The following SMG9 variants were observed in gnomAD, a reference collection of about 807,000 sequenced individuals.
SMG9 encodes nonsense-mediated mRNA decay factor SMG9.
SMG9 carries 55 observed loss-of-function variants against 64.0 expected under a neutral mutation model. That is an observed-to-expected ratio of 0.86 (90% CI 0.69 to 1.08). The LOEUF (loss-of-function observed/expected upper bound fraction) is 1.08. Ranked by LOEUF, SMG9 falls within the 50% of genes least tolerant of loss-of-function variation. The pLI, the probability that SMG9 is intolerant of heterozygous loss-of-function variation, is 0.00. For synonymous variants in SMG9, 244 were observed against 254.8 expected, an observed-to-expected ratio of 0.96 and a Z score of 0.41; for missense variants, 554 against 681.3, an observed-to-expected ratio of 0.81 and a Z score of 2.08.
Position 43,754,685 on chromosome 19 carries a change from C to T in SMG9, c.-38G>A, listed in dbSNP as rs1476488248. 6.6e-6 allele frequency: 1 copy of T among 151,974 alleles called. No individual in the cohort carries two copies. The highest frequency in any genetic ancestry group is 1.5e-5 in the Non-Finnish European group (1 of 67,960). The allele number at this position is 151,974 out of a possible 1,614,324, so 9.4% of individuals were successfully genotyped here. A position where few individuals can be genotyped will look rare whatever the true frequency, so the allele number is the denominator to read the frequency against. ...CGGCTGCTGATTGGTTCTCGGGGCG[C>T]GGTGTGCGCTCTCCCGTGACGGGAG... is the stretch of plus-strand genomic sequence containing the variant. On this transcript the variant is annotated 5_prime_UTR_variant, in exon 1 of 14. Coordinates refer to ENST00000270066, the MANE Select transcript of SMG9 (RefSeq NM_019108.4).
intron 5 of SMG9, among the ~76,000 whole-genome samples, chr19:43,746,464 GT>G (rs953630885): frequency 6.6e-6 from 1 of 152,114 alleles, no homozygotes; most frequent in Admixed American, 6.6e-5. Flanking sequence ...GTAGGGTTTG[GT>G]TTTTTGTTGT....
intron 2 of SMG9, among the ~76,000 whole-genome samples, chr19:43,749,532 C>G (rs1175053391): frequency 1.3e-5 from 2 of 152,212 alleles, no homozygotes; most frequent in Non-Finnish European, 2.9e-5. Context: ...ACTACGTGTT[C>G]TCATTTACAC....
rs754646409 is a variant in SMG9 at position 43,734,519 on chromosome 19, G to A, written c.996-24C>T. 3 of 1,520,408 alleles carry A rather than the reference G, an allele frequency of 2.0e-6. No homozygotes were observed. The African/African-American group carries it at 4.1e-5, about 21-fold the overall frequency. 94.2% of individuals were successfully genotyped at this position (1,520,408 alleles called of 1,614,324 possible). A position where few individuals can be genotyped will look rare whatever the true frequency, so the allele number is the denominator to read the frequency against. On this transcript the variant is annotated intron_variant, in intron 9 of 13. Transcript: ENST00000270066. ...ACCTTGGGGTTTGGGGTGAGTGGCT[G>A]TTGCTCTTGCACTTGCACCCCAGGT...
At chr19:43,744,980 G>T in intron 5 of SMG9, 96 bp from the exon 6 acceptor site, 2 of 802,964 alleles carry the variant, frequency 2.5e-6, no homozygotes, top group South Asian at 3.3e-5. Flanking sequence ...TCCCCCACCT[G>T]CCTTATCATA....
chr19:43,740,523 C>T (rs937002508), intron 6 of SMG9, among the ~76,000 whole-genome samples: 3 of 152,154 alleles, frequency 2.0e-5, no homozygotes, highest in African/African-American at 4.8e-5. Flanking sequence ...CTCTTCCTGG[C>T]TGTGTGGCTT....
intron 2 of SMG9, among the ~76,000 whole-genome samples, chr19:43,748,423 G>A (rs547602260): frequency 4.6e-4 from 70 of 152,342 alleles, no homozygotes; most frequent in African/African-American, 1.5e-3. Context: ...AACCACCCTC[G>A]CCACCTTCAC....
chr19:43,733,111 G>A, intron 12 of SMG9, 109 bp from the exon 13 acceptor site: 2 of 1,377,460 alleles, frequency 1.5e-6, no homozygotes, highest in Non-Finnish European at 2.0e-6. Flanking sequence ...CCCCGGCTGA[G>A]CTCTTCCTGT....
At chr19:43,734,755 G>A (rs1968602835) in intron 9 of SMG9, 5 of 362,066 alleles carry the variant, frequency 1.4e-5, no homozygotes, top group South Asian at 1.3e-4. Flanking sequence ...GCAGTTTTAG[G>A]TTCACAGCAA....
chr19:43,732,536 C>T (rs1339916299), intron 13 of SMG9: 3 of 334,096 alleles, frequency 9.0e-6, no homozygotes, highest in Non-Finnish European at 1.7e-5. Context: ...CTACTCCTAG[C>T]AATCAAATGA....
At chr19:43,733,088 C>G (rs1319789133) in intron 12 of SMG9, 86 bp from the exon 13 acceptor site, 1 of 1,485,752 alleles carries the variant, frequency 6.7e-7, no homozygotes, top group Non-Finnish European at 9.0e-7. Flanking sequence ...TCAAGGAGCA[C>G]CTGAGAGTTC....
At chr19:43,748,860 G>A (rs1052362321) in intron 2 of SMG9, 11 of 509,268 alleles carry the variant, frequency 2.2e-5, no homozygotes, top group East Asian at 1.7e-4. Context: ...ACAAAAAGAC[G>A]AAGTGAAAGT....
intron 1 of SMG9, among the ~76,000 whole-genome samples, chr19:43,752,715 T>C (rs1014548254): frequency 3.3e-5 from 5 of 151,920 alleles, no homozygotes; most frequent in Non-Finnish European, 5.9e-5. Context: ...TTGGGCAACA[T>C]AGCAAGATCC....
chr19:43,734,783 G>A (rs769757872), intron 9 of SMG9: 3 of 285,020 alleles, frequency 1.1e-5, no homozygotes, highest in African/African-American at 2.2e-5. Flanking sequence ...CAGAAAGCAC[G>A]TAGCGTTCCC....
At position 43,738,944 on chromosome 19, in the gene SMG9, C is replaced by T. The variant is rs369372647; in HGVS notation, c.814-727G>A. Reference sequence around the variant, plus strand: ...GGCTCACATCACATTTGTAGATTTTCCACTCTGTGTCATCAATGCCACAGT... The same window carrying T: ...GGCTCACATCACATTTGTAGATTTTTCACTCTGTGTCATCAATGCCACAGT... On this transcript the variant is annotated intron_variant, in intron 7 of 13. Coordinates refer to ENST00000270066, the MANE Select transcript of SMG9 (RefSeq NM_019108.4). Among the ~76,000 whole-genome samples, 8 of 152,334 alleles carry T rather than the reference C, an allele frequency of 5.3e-5. No homozygotes were observed. The East Asian group carries it at 1.5e-3, about 29-fold the overall frequency.
rs1157865673 is a variant in SMG9, at chr19:43,747,546, A to T, written c.491-7T>A. Reference sequence around the variant, plus strand: ...TTGGCCTGACCCACGACAGCTGGAGATTGGAGAAAGCAGGAGACAGAGGAT... The same window carrying T: ...TTGGCCTGACCCACGACAGCTGGAGTTTGGAGAAAGCAGGAGACAGAGGAT... On this transcript the variant is annotated splice_polypyrimidine_tract_variant and splice_region_variant and intron_variant, in intron 4 of 13. Transcript: ENST00000270066. 1 of 1,613,990 alleles carries T rather than the reference A, an allele frequency of 6.2e-7. No homozygotes were observed. The highest frequency in any genetic ancestry group is 8.5e-7 in the Non-Finnish European group (1 of 1,180,016).
In SMG9 at chr19:43,747,889, C is replaced by T; in HGVS notation, c.234G>A (p.Gln78=). 1 of 1,612,192 alleles carries T rather than the reference C, an allele frequency of 6.2e-7. No homozygotes were observed. The highest frequency in any genetic ancestry group is 1.1e-5 in the South Asian group (1 of 90,744). ...CAGCAGGGGCTGTTGGAGGTGGTGGCTGTTTTGACTACGGAGGTAAAAAAA... is the reference window on the plus strand; with the variant it reads ...CAGCAGGGGCTGTTGGAGGTGGTGGTTGTTTTGACTACGGAGGTAAAAAAA... ...LSKPPAERSK[Q]PPPPTAPAAP... Residue 78 remains glutamine, a synonymous_variant, in exon 4 of 14, where the codon CAG becomes CAA. Coordinates refer to ENST00000270066, the MANE Select transcript of SMG9 (RefSeq NM_019108.4).
chr19:43,745,744 T>C (rs1178422310), intron 5 of SMG9, among the ~76,000 whole-genome samples: 2 of 151,936 alleles, frequency 1.3e-5, no homozygotes, highest in Non-Finnish European at 2.9e-5. Context: ...GCTCACACCT[T>C]TAATCCCAGC....
At chr19:43,737,495 G>A (rs1483019411) in intron 9 of SMG9, 102 bp downstream of exon 9, 1 of 992,150 alleles carries the variant, frequency 1.0e-6, no homozygotes, top group Non-Finnish European at 1.5e-6. Context: ...ATTTTAAAAG[G>A]ATCCCTCTGG....
rs759553831 is a variant in SMG9, at chr19:43,748,023, G to C, written c.180C>G (p.Val60=). Residue 60 remains valine (V), a synonymous_variant, in exon 3 of 14, where the codon GTC becomes GTG. Transcript: ENST00000270066. ...AGAGGATGATGGGGGTTTTCTGCAT[G>C]ACGGAAGTGCTTGTCTCTTCGCTGG... ...RDASEETSTS[V]MQKTPIILSK... is the part of the protein sequence containing the mutation. 6.8e-6 allele frequency: 11 copies of C among 1,612,954 alleles called. No homozygotes were observed. The East Asian group carries it at 2.2e-4, about 33-fold the overall frequency.
Sources: gnomAD v4.1 joint callset for allele counts (sites outside exome capture counted in the v4.1 genomes callset) on GRCh38, gnomAD v4.1.1 for gene constraint, MANE v1.5 for transcripts, NCBI Gene and HGNC (gene_info 2026-07-23, HGNC 2026-07-21) for gene names.